PACSIN2: variants seen among roughly 807,000 people sequenced by gnomAD.
PACSIN2 encodes the protein protein kinase C and casein kinase substrate in neurons 2.
In PACSIN2, 25 loss-of-function variants were observed where a neutral mutation model predicts 63.8. That is an observed-to-expected ratio of 0.39 (90% CI 0.29 to 0.55). The LOEUF (loss-of-function observed/expected upper bound fraction) is 0.55, where lower values mean the gene tolerates loss of function less well. PACSIN2 is among the 20% of genes least tolerant of loss of function. PACSIN2 has a pLI of 0.62. For synonymous variants in PACSIN2, 255 were observed against 256.2 expected (o/e 1.00, Z 0.05); for missense variants, 518 against 646.9 (o/e 0.80, Z 2.16).
At chr22:42,929,249 C>G (rs1054306274) in intron 1 of PACSIN2, among the ~76,000 whole-genome samples, 3 of 152,222 alleles carry the variant, frequency 2.0e-5, no homozygotes, top group Non-Finnish European at 2.9e-5. Flanking sequence ...CCAAGCACGT[C>G]CACATCACAT....
In PACSIN2 at chr22:42,923,490, T is replaced by C. The variant is rs12168177; in HGVS notation, c.-77-11333A>G. ...TTGCCCAGGCTGGAGTGCAGTGGCGTGATCTCGGCTCACTGTAAGCTCCGC... is the reference window on the plus strand; with the variant it reads ...TTGCCCAGGCTGGAGTGCAGTGGCGCGATCTCGGCTCACTGTAAGCTCCGC... On this transcript the variant is annotated intron_variant, in intron 1 of 10. Coordinates refer to ENST00000263246, the MANE Select transcript of PACSIN2 (RefSeq NM_001184970.3). Among the ~76,000 whole-genome samples the C allele has an allele frequency of 8.9e-3, 1,353 of 152,234 alleles. 19 individuals carry two copies. The highest frequency in any genetic ancestry group is 0.031 in the African/African-American group (1,299 of 41,544).
chr22:42,993,580 A>T (rs936820553), intron 1 of PACSIN2: 1 of 152,248 alleles, frequency 6.6e-6, no homozygotes, highest in African/African-American at 2.4e-5. Flanking sequence ...TCAAAATTTT[A>T]TACAGAAAGA....
intron 3 of PACSIN2, among the ~76,000 whole-genome samples, chr22:42,893,239 C>G (rs2146675772): frequency 6.6e-6 from 1 of 152,326 alleles, no homozygotes; most frequent in Middle Eastern, 3.4e-3. Context: ...CCTGTGTCCC[C>G]AAGGAAAGTG....
intron 1 of PACSIN2, among the ~76,000 whole-genome samples, chr22:42,997,873 T>C (rs1267882780): frequency 6.6e-6 from 1 of 152,146 alleles, no homozygotes; most frequent in African/African-American, 2.4e-5. Context: ...AGGGCAAGAC[T>C]CTGTCTCAAA....
intron 6 of PACSIN2, among the ~76,000 whole-genome samples, chr22:42,883,669 G>C (rs190666501): frequency 6.6e-6 from 1 of 152,204 alleles, no homozygotes; most frequent in South Asian, 2.1e-4. Flanking sequence ...TCCCAGGCAC[G>C]ACCAGCCCAG....
At chr22:42,984,781 T>A (rs1922490804) in intron 1 of PACSIN2, among the ~76,000 whole-genome samples, 1 of 151,958 alleles carries the variant, frequency 6.6e-6, no homozygotes, top group Admixed American at 6.6e-5. Context: ...GCAGAAAACA[T>A]CCCCAAGACT....
rs779525601 is a variant in PACSIN2 at position 42,951,149 on chromosome 22, A to G, written c.-77-38992T>C. On this transcript the variant is annotated intron_variant, in intron 1 of 10. Coordinates refer to ENST00000263246, the MANE Select transcript of PACSIN2 (RefSeq NM_001184970.3). ...TTGCTTTTGAAAATTCAAAAGGAAGATAAGGCAGCACGTGGGCACCTTCCC... is the reference window on the plus strand; with the variant it reads ...TTGCTTTTGAAAATTCAAAAGGAAGGTAAGGCAGCACGTGGGCACCTTCCC... Among the ~76,000 whole-genome samples, 61 of 152,316 alleles carry G rather than the reference A, an allele frequency of 4.0e-4. 1 individual carries two copies. The highest frequency in any genetic ancestry group is 3.4e-3 in the Middle Eastern group (1 of 294).
chr22:42,950,663 C>T (rs1050992206), intron 1 of PACSIN2, among the ~76,000 whole-genome samples: 8 of 152,178 alleles, frequency 5.3e-5, no homozygotes, highest in African/African-American at 7.2e-5. Flanking sequence ...AGCATTCTTA[C>T]GTCTAAAAAG....
At chr22:42,986,193 G>C (rs1306826235) in intron 1 of PACSIN2, among the ~76,000 whole-genome samples, 1 of 152,172 alleles carries the variant, frequency 6.6e-6, no homozygotes, top group African/African-American at 2.4e-5. Flanking sequence ...ATTTAAAAGA[G>C]GTAAATGATC....
intron 2 of PACSIN2, among the ~76,000 whole-genome samples, chr22:42,902,001 C>T (rs1016066903): frequency 1.3e-4 from 20 of 152,216 alleles, no homozygotes; most frequent in Admixed American, 1.0e-3. Flanking sequence ...CTGAAGCATT[C>T]ATCACTCCAT....
Position 42,891,098 on chromosome 22 carries a change from T to C in PACSIN2, c.302A>G (p.Lys101Arg). 1.2e-6 allele frequency: 2 copies of C among 1,614,120 alleles called. No homozygotes were observed. Among genetic ancestry groups the C allele is most frequent in the Non-Finnish European group, 1.7e-6 (2 of 1,180,002 alleles). The change falls in exon 4 of 11, where the codon AAG becomes AGG. Residue 101 changes from lysine (K) to arginine (R), a missense_variant. Lys to Arg is a conservative substitution (Grantham distance 26, BLOSUM62 2). Transcript: ENST00000263246. ...GAAGTCATCGTTCATCAGTGAGGCC[T>C]TCACCTCGAGGTGCAGCTCGCTCAC... Reference protein sequence around the residue: ...ERVSELHLEVKASLMNDDFEK... With the variant: ...ERVSELHLEVRASLMNDDFEK...
chr22:42,940,509 C>A (rs1196108016), intron 1 of PACSIN2, among the ~76,000 whole-genome samples: 2 of 152,192 alleles, frequency 1.3e-5, no homozygotes, highest in Non-Finnish European at 2.9e-5. Flanking sequence ...GGGAAAGAAG[C>A]CCAGTCTCCA....
chr22:42,888,836 G>T lies in PACSIN2; in HGVS notation c.454-38C>A, dbSNP rs1929687671. ...TGAGTTCCTGAATGCCATGTCACTGGGAGTTCAGGATCCTCACTAGAAGTC... is the reference window on the plus strand; with the variant it reads ...TGAGTTCCTGAATGCCATGTCACTGTGAGTTCAGGATCCTCACTAGAAGTC... On this transcript the variant is annotated intron_variant, in intron 4 of 10. Transcript: ENST00000263246. 3 of 1,607,242 alleles carry T rather than the reference G, an allele frequency of 1.9e-6. No individual in the cohort carries two copies. In the East Asian group the frequency reaches 6.7e-5, roughly 36 times the overall value.
Position 42,876,281 on chromosome 22 carries a change from C to T in PACSIN2, c.1204G>A (p.Glu402Lys). The change falls in exon 10 of 11, where the codon GAG becomes AAG. Residue 402 changes from glutamate (E) to lysine (K), a missense_variant. Coordinates refer to ENST00000263246, the MANE Select transcript of PACSIN2 (RefSeq NM_001184970.3). ...QSYPTDWSDDESNNPFSSTDA... is the reference protein window; with the variant it reads ...QSYPTDWSDDKSNNPFSSTDA... ...GTGGAGGAGAAGGGGTTGTTAGACT[C>T]ATCGTCTGACCAGTCGGTGGGATAG... 1.2e-6 allele frequency: 2 copies of T among 1,614,232 alleles called. No individual in the cohort carries two copies. The highest frequency in any genetic ancestry group is 1.7e-6 in the Non-Finnish European group (2 of 1,180,036).
intron 2 of PACSIN2, among the ~76,000 whole-genome samples, chr22:42,895,904 C>A (rs193230755): frequency 6.6e-6 from 1 of 152,298 alleles, no homozygotes; most frequent in Admixed American, 6.5e-5. Flanking sequence ...AAGGCCATCA[C>A]TGGAAGTCTC....
rs763314017 is a variant in PACSIN2 at position 42,891,166 on chromosome 22, G to A, written c.234C>T (p.Thr78=). The change falls in exon 4 of 11, where the codon ACC becomes ACT. Residue 78 remains threonine, a synonymous_variant. Transcript: ENST00000263246. ...TGAAGGCCATCCAGGCCTTCTCCAC[G>A]GTCCCGTACTGGGGCCCTGTGCAGG... ...QLVEKGPQYG[T]VEKAWMAFMS... 18 of 1,613,278 alleles carry A rather than the reference G, an allele frequency of 1.1e-5. No individual in the cohort carries two copies. Among genetic ancestry groups the A allele is most frequent in the Admixed American group, 8.3e-5 (5 of 59,996 alleles).
Position 42,965,936 on chromosome 22 carries a change from AATAAATAATC to A in PACSIN2, c.-78+49075_-78+49084del, listed in dbSNP as rs1014094239. Among the ~76,000 whole-genome samples, 38 of 94,710 alleles carry A rather than the reference AATAAATAATC, an allele frequency of 4.0e-4. No homozygotes were observed. The East Asian group carries it at 6.4e-3, about 16-fold the overall frequency. The allele number at this position is 94,710 out of a possible 152,430, so 62.1% of individuals were successfully genotyped here. On this transcript the variant is annotated intron_variant, in intron 1 of 10. Transcript: ENST00000263246. ...ATAAATAAATAAATAATCATAAATA[AATAAATAATC>A]ATAAATAAATTATGTGAAAATGTGA... is the stretch of plus-strand genomic sequence containing the variant.
At chr22:42,899,032 A>G (rs967734840) in intron 2 of PACSIN2, among the ~76,000 whole-genome samples, 1 of 152,154 alleles carries the variant, frequency 6.6e-6, no homozygotes, top group African/African-American at 2.4e-5. Context: ...AGGACGCTGG[A>G]GAAGGTCTGC....
At chr22:42,942,097 GTTC>G (rs901144282) in intron 1 of PACSIN2, among the ~76,000 whole-genome samples, 13 of 112,284 alleles carry the variant, frequency 1.2e-4, no homozygotes, top group Non-Finnish European at 2.3e-4. Flanking sequence ...AATTTTAAGA[GTTC>G]TTTTTTTTTT....
Sources: gnomAD v4.1 joint callset for allele counts (sites outside exome capture counted in the v4.1 genomes callset) on GRCh38, gnomAD v4.1.1 for gene constraint, MANE v1.5 for transcripts, NCBI Gene and HGNC (gene_info 2026-07-23, HGNC 2026-07-21) for gene names.